The following CYP7B1 variants were observed in gnomAD, a reference collection of about 807,000 sequenced individuals.
CYP7B1 encodes the protein cytochrome P450 family 7 subfamily B member 1.
In CYP7B1, 29 loss-of-function variants were observed where a neutral mutation model predicts 42.7. The ratio of observed to expected loss-of-function variants is 0.68; its 90% CI spans 0.51 to 0.93. The LOEUF is 0.93. Among genes scored for constraint, CYP7B1 ranks in the 40% least tolerant of loss-of-function variants. The pLI, the probability that CYP7B1 is intolerant of heterozygous loss-of-function variation, is 0.00. For synonymous variants in CYP7B1, 235 were observed against 218.2 expected (o/e 1.08, Z -0.68); for missense variants, 655 against 600.5 (o/e 1.09, Z -0.95).
intron 1 of CYP7B1, among the ~76,000 whole-genome samples, chr8:64,689,090 T>G (rs1259356337): frequency 6.6e-6 from 1 of 152,212 alleles, no homozygotes. Context: ...ATTATTTATT[T>G]CCAAATACAT....
intron 1 of CYP7B1, among the ~76,000 whole-genome samples, chr8:64,635,099 C>T (rs4327886): frequency 0.59 from 89,021 of 151,976 alleles, 26,583 homozygotes; most frequent in Middle Eastern, 0.67. Flanking sequence ...AACTCAAGAG[C>T]ATCTCACGGG....
At chr8:64,728,242 A>G (rs974319770) in intron 1 of CYP7B1, 1 of 152,240 alleles carries the variant, frequency 6.6e-6, no homozygotes, top group Non-Finnish European at 1.5e-5. Flanking sequence ...ATCTCTAGGC[A>G]CTTACTAGAC....
chr8:64,778,170 T>A (rs969211026), intron 1 of CYP7B1, among the ~76,000 whole-genome samples: 1 of 95,080 alleles, frequency 1.1e-5, no homozygotes, highest in African/African-American at 3.7e-5. Context: ...TAGAACTAGT[T>A]TGAAATATAT....
At position 64,798,489 on chromosome 8, in the gene CYP7B1, G is replaced by A. The variant is rs1804746151; in HGVS notation, c.99C>T (p.Leu33=). 1.3e-6 allele frequency: 2 copies of A among 1,513,258 alleles called. No individual in the cohort carries two copies. The highest frequency in any genetic ancestry group is 1.8e-6 in the Non-Finnish European group (2 of 1,139,300). 93.7% of individuals were successfully genotyped at this position (1,513,258 alleles called of 1,614,324 possible). A position where few individuals can be genotyped will look rare whatever the true frequency, so the allele number is the denominator to read the frequency against. The change falls in exon 1 of 6, where the codon CTC becomes CTT. Residue 33 remains leucine (L), a synonymous_variant. Coordinates refer to ENST00000310193, the MANE Select transcript of CYP7B1 (RefSeq NM_004820.5). ...ALAAALLLLA[L]CLLVRRTRRP... The stretch of plus-strand genomic sequence containing the variant: ...ACCTGGTGCGCCGGACAAGCAAGCA[G>A]AGGGCCAGGAGCAGCAGGGCCGCGG...
chr8:64,718,872 G>T (rs1807197470), intron 1 of CYP7B1, among the ~76,000 whole-genome samples: 1 of 152,174 alleles, frequency 6.6e-6, no homozygotes, highest in African/African-American at 2.4e-5. Context: ...CATTCCAGTG[G>T]CAAGGCAATT....
intron 1 of CYP7B1, among the ~76,000 whole-genome samples, chr8:64,677,004 T>C (rs1281387947): frequency 6.6e-6 from 1 of 152,084 alleles, no homozygotes; most frequent in Non-Finnish European, 1.5e-5. Context: ...ATTTGGGGGC[T>C]TTTGTTCTAA....
At chr8:64,767,600 T>C (rs958404503) in intron 1 of CYP7B1, among the ~76,000 whole-genome samples, 2 of 152,232 alleles carry the variant, frequency 1.3e-5, no homozygotes, top group African/African-American at 4.8e-5. Context: ...AACGTTTCAC[T>C]TAGGCATTGA....
intron 1 of CYP7B1, among the ~76,000 whole-genome samples, chr8:64,730,490 T>G (rs570099303): frequency 1.3e-5 from 2 of 152,278 alleles, no homozygotes; most frequent in East Asian, 1.9e-4. Flanking sequence ...ATGAACTGAA[T>G]AGCAGATGTG....
chr8:64,707,826 G>A (rs1807023061), intron 1 of CYP7B1, among the ~76,000 whole-genome samples: 1 of 151,944 alleles, frequency 6.6e-6, no homozygotes, highest in Admixed American at 6.6e-5. Flanking sequence ...TTATACATAG[G>A]AAATAAGATG....
At chr8:64,763,475 A>T (rs2129633771) in intron 1 of CYP7B1, among the ~76,000 whole-genome samples, 1 of 152,352 alleles carries the variant, frequency 6.6e-6, no homozygotes, top group South Asian at 2.1e-4. Flanking sequence ...GTGGCCTCAT[A>T]CAGGGATTCT....
chr8:64,724,211 T>C (rs1807287996), intron 1 of CYP7B1, among the ~76,000 whole-genome samples: 1 of 152,042 alleles, frequency 6.6e-6, no homozygotes, highest in African/African-American at 2.4e-5. Context: ...GCAATCTCGA[T>C]ACACTGCAAC....
intron 1 of CYP7B1, among the ~76,000 whole-genome samples, chr8:64,725,138 A>G (rs1451141442): frequency 3.3e-5 from 5 of 152,186 alleles, no homozygotes; most frequent in African/African-American, 1.2e-4. Flanking sequence ...ACATTTCTAC[A>G]TAGCTGTCCA....
At chr8:64,759,868 G>T (rs979979003) in intron 1 of CYP7B1, among the ~76,000 whole-genome samples, 3 of 152,048 alleles carry the variant, frequency 2.0e-5, no homozygotes, top group African/African-American at 2.4e-5. Context: ...GGGTAACATG[G>T]ATTGTTTTAG....
At chr8:64,662,563 A>G (rs1365482044) in intron 1 of CYP7B1, among the ~76,000 whole-genome samples, 4 of 152,160 alleles carry the variant, frequency 2.6e-5, no homozygotes, top group African/African-American at 9.7e-5. Context: ...ATTCAACTAG[A>G]GTGTGAATGC....
chr8:64,625,498 C>T (rs924156473), intron 1 of CYP7B1, among the ~76,000 whole-genome samples: 3 of 152,116 alleles, frequency 2.0e-5, no homozygotes, highest in Non-Finnish European at 4.4e-5. Flanking sequence ...GTTATAATAT[C>T]GATAAAAAAC....
intron 4 of CYP7B1, among the ~76,000 whole-genome samples, chr8:64,613,973 T>C (rs1328462600): frequency 1.3e-5 from 2 of 152,124 alleles, no homozygotes; most frequent in African/African-American, 4.8e-5. Flanking sequence ...GAGACCAACA[T>C]AGGCTAAAAT....
intron 1 of CYP7B1, among the ~76,000 whole-genome samples, chr8:64,741,444 C>T (rs538729633): frequency 1.3e-3 from 192 of 152,162 alleles, no homozygotes; most frequent in African/African-American, 4.5e-3. Context: ...CTCAGCCTCC[C>T]GAGTAGCTGG....
chr8:64,695,603 C>T lies in CYP7B1; in HGVS notation c.123-71064G>A, dbSNP rs915404389. Among the ~76,000 whole-genome samples, 63 of 100,144 alleles carry T rather than the reference C, an allele frequency of 6.3e-4. No individual in the cohort carries two copies. In the South Asian group the frequency reaches 0.022, roughly 35 times the overall value. The allele number at this position is 100,144 out of a possible 152,430, so 65.7% of individuals were successfully genotyped here. A position where few individuals can be genotyped will look rare whatever the true frequency, so the allele number is the denominator to read the frequency against. On this transcript the variant is annotated intron_variant, in intron 1 of 5. Coordinates refer to ENST00000310193, the MANE Select transcript of CYP7B1 (RefSeq NM_004820.5). ...CAAAATAAAACATGTTATCAAATTC[C>T]TTTTTTTTTTTTTTTTTTTTTTTTT...
intron 1 of CYP7B1, among the ~76,000 whole-genome samples, chr8:64,647,989 CAG>C (rs1251825185): frequency 6.6e-6 from 1 of 152,152 alleles, no homozygotes; most frequent in African/African-American, 2.4e-5. Flanking sequence ...AATTAGCTGA[CAG>C]ATCCATTAAT....
Sources: allele counts gnomAD v4.1 joint callset (sites outside exome capture counted in the v4.1 genomes callset), GRCh38; gene constraint gnomAD v4.1.1; transcripts MANE v1.5; gene names NCBI Gene and HGNC (gene_info 2026-07-23, HGNC 2026-07-21).